Variants in SIGLEC6 observed in about 807,000 individuals in gnomAD.
SIGLEC6 encodes the protein sialic acid-binding Ig-like lectin 6.
SIGLEC6 carries 31 observed loss-of-function variants against 41.4 expected under a neutral mutation model. The observed-to-expected ratio is 0.75, with a 90% CI of 0.56 to 1.01. SIGLEC6 has a LOEUF of 1.01. SIGLEC6 is among the 50% of genes least tolerant of loss of function. The pLI, the probability that SIGLEC6 is intolerant of heterozygous loss-of-function variation, is 0.00. For missense variants in SIGLEC6, 555 were observed against 558.6 expected, an observed-to-expected ratio of 0.99 and a Z score of 0.06; for synonymous variants, 217 against 231.0, an observed-to-expected ratio of 0.94 and a Z score of 0.55.
intron 5 of SIGLEC6, 144 bp downstream of exon 5, chr19:51,529,580 C>CT (rs1979833880): frequency 9.6e-7 from 1 of 1,046,254 alleles, no homozygotes; most frequent in African/African-American, 1.6e-5. Context: ...AGTGTGGACT[C>CT]TAAGCCTCCC....
intron 7 of SIGLEC6, among the ~76,000 whole-genome samples, chr19:51,525,473 G>C (rs1979057047): frequency 6.6e-6 from 1 of 152,010 alleles, no homozygotes; most frequent in African/African-American, 2.4e-5. Flanking sequence ...TGTTATTCCT[G>C]ACTGAGAAGG....
intron 7 of SIGLEC6, among the ~76,000 whole-genome samples, chr19:51,525,637 A>T (rs146456854): frequency 1.3e-5 from 2 of 152,254 alleles, no homozygotes; most frequent in Non-Finnish European, 2.9e-5. Context: ...TCAGGCTGGG[A>T]AAAGAATAAA....
chr19:51,529,314 G>A (rs1006240824), intron 5 of SIGLEC6: 4 of 199,096 alleles, frequency 2.0e-5, no homozygotes, highest in African/African-American at 4.7e-5. Flanking sequence ...ACTCATACAA[G>A]GACCCAGGCT....
chr19:51,529,149 A>G (rs1367222882), intron 5 of SIGLEC6, among the ~76,000 whole-genome samples: 1 of 152,196 alleles, frequency 6.6e-6, no homozygotes, highest in African/African-American at 2.4e-5. Context: ...GAAGCCAGGG[A>G]AGGAGCATGG....
intron 7 of SIGLEC6, among the ~76,000 whole-genome samples, chr19:51,523,187 C>A (rs1978588236): frequency 6.6e-6 from 1 of 151,816 alleles, no homozygotes; most frequent in African/African-American, 2.4e-5. Flanking sequence ...TGAAAAATGG[C>A]AATATCTAAA....
chr19:51,520,176 T>G lies in SIGLEC6; in HGVS notation c.1268A>C (p.Glu423Ala). 1 of 1,609,188 alleles carries G rather than the reference T, an allele frequency of 6.2e-7. No homozygotes were observed. Among genetic ancestry groups the G allele is most frequent in the Non-Finnish European group, 8.5e-7 (1 of 1,176,218 alleles). Residue 423 changes from glutamate (E) to alanine (A), a missense_variant, in exon 8 of 8, where the codon GAG becomes GCG. By Grantham distance (107) the Glu-to-Ala change is moderately radical (BLOSUM62 -1). Transcript: ENST00000425629. The part of the protein sequence containing the change: ...EAGPISEDEQ[E>A]LHYAVLHFHK... ...GAAGTGTAGGACAGCGTAGTGGAGC[T>G]CCTGCTCATCTTCTGAGATGGGGCC...
At chr19:51,520,757 C>T (rs1354422320) in intron 7 of SIGLEC6, among the ~76,000 whole-genome samples, 1 of 152,114 alleles carries the variant, frequency 6.6e-6, no homozygotes, top group African/African-American at 2.4e-5. Context: ...ATATTCTATT[C>T]TCAAAAAATG....
chr19:51,523,196 A>C (rs12461762), intron 7 of SIGLEC6, among the ~76,000 whole-genome samples: 9,844 of 152,298 alleles, frequency 0.065, 360 homozygotes, highest in South Asian at 0.12. Context: ...GCAATATCTA[A>C]AAAGAAAAGC....
At chr19:51,526,831 A>G (rs975534762) in intron 7 of SIGLEC6, among the ~76,000 whole-genome samples, 2 of 152,198 alleles carry the variant, frequency 1.3e-5, no homozygotes, top group Admixed American at 6.5e-5. Flanking sequence ...GAAAGATGAA[A>G]TAGCCACCTT....
At chr19:51,520,371 TATTTTATTTTATTTC>T in intron 7 of SIGLEC6, 116 bp from the exon 8 acceptor site, 1 of 527,912 alleles carries the variant, frequency 1.9e-6, no homozygotes, top group Non-Finnish European at 3.0e-6. Flanking sequence ...ATTCATTTAT[TATTTTATTTTATTTC>T]ATTTTATTTT....
At chr19:51,526,066 T>A (rs1455028769) in intron 7 of SIGLEC6, among the ~76,000 whole-genome samples, 2 of 152,162 alleles carry the variant, frequency 1.3e-5, no homozygotes, top group Non-Finnish European at 2.9e-5. Context: ...CACAGCTGCC[T>A]CAACCCAGGG....
At position 51,531,344 on chromosome 19, in the gene SIGLEC6, T is replaced by TG. The variant is rs904094003; in HGVS notation, c.242dup (p.Asp82ArgfsTer92). 6.2e-7 allele frequency: 1 copy of TG among 1,614,058 alleles called. No individual in the cohort carries two copies. The highest frequency in any genetic ancestry group is 8.5e-7 in the Non-Finnish European group (1 of 1,180,012). ...GGGTCTCCTCCTGCACTTCTTCGTC[T>TG]GGGTCGTTTGTGGCCACTGGAACAT... is the stretch of plus-strand genomic sequence containing the variant. On this transcript the variant is annotated frameshift_variant, in exon 2 of 8. Coordinates refer to ENST00000425629, the MANE Select transcript of SIGLEC6 (RefSeq NM_001245.7). LOFTEE classifies it high-confidence loss of function.
At chr19:51,528,334 A>C in intron 5 of SIGLEC6, 81 bp from the exon 6 acceptor site, 4 of 1,156,228 alleles carry the variant, frequency 3.5e-6, no homozygotes, top group Non-Finnish European at 2.6e-6. Flanking sequence ...CCTTCCACTA[A>C]TGTGACCACC....
chr19:51,528,488 T>C (rs1488672034), intron 5 of SIGLEC6: 1 of 564,884 alleles, frequency 1.8e-6, no homozygotes, highest in Non-Finnish European at 3.2e-6. Flanking sequence ...CTTGGAAACA[T>C]CTTCTCCAAG....
At chr19:51,530,295 CA>C in intron 4 of SIGLEC6, 141 bp downstream of exon 4, 1 of 800,576 alleles carries the variant, frequency 1.2e-6, no homozygotes, top group Non-Finnish European at 2.0e-6. Flanking sequence ...GAAGAGGCGA[CA>C]AAGGCTGGGG....
Position 51,520,254 on chromosome 19 carries a change from C to T in SIGLEC6, c.1190G>A (p.Gly397Asp). ...VNPVMVSGSR[G>D]HQHQFQTGIV... ...GCCTGTCTGGAACTGGTGCTGATGA[C>T]CCTTAATGGAAGAAAAGAAAAGATT... The change falls in exon 8 of 8, where the codon GGT (glycine) becomes GAT (aspartate). Residue 397 changes from glycine to aspartate, a missense_variant and splice_region_variant. Gly to Asp is a moderately conservative substitution (Grantham distance 94). Coordinates refer to ENST00000425629, the MANE Select transcript of SIGLEC6 (RefSeq NM_001245.7). 1 of 1,556,234 alleles carries T rather than the reference C, an allele frequency of 6.4e-7. No individual in the cohort carries two copies. Among genetic ancestry groups the T allele is most frequent in the Admixed American group, 1.7e-5 (1 of 58,984 alleles).
At chr19:51,527,958 G>T in intron 6 of SIGLEC6, 130 bp from the exon 7 acceptor site, 1 of 991,512 alleles carries the variant, frequency 1.0e-6, no homozygotes. Context: ...ATGAGCCCAA[G>T]AGTTGGACCA....
In SIGLEC6 at chr19:51,520,134, T is replaced by C. The variant is rs771230496; in HGVS notation, c.1310A>G (p.Gln437Arg). The C allele has an allele frequency of 6.3e-7, 1 of 1,598,360 alleles. No homozygotes were observed. Among genetic ancestry groups the C allele is most frequent in the South Asian group, 1.1e-5 (1 of 89,398 alleles). Reference sequence around the variant, plus strand: ...CTCAGTGTCGGTGACCTTTGGTTCCTGAGGTTGCACCTTGTGGAAGTGTAG... The same window carrying C: ...CTCAGTGTCGGTGACCTTTGGTTCCCGAGGTTGCACCTTGTGGAAGTGTAG... ...AVLHFHKVQP[Q>R]EPKVTDTEYS... The change falls in exon 8 of 8, where the codon CAG (glutamine) becomes CGG (arginine). Residue 437 changes from glutamine to arginine, a missense_variant. Coordinates refer to ENST00000425629, the MANE Select transcript of SIGLEC6 (RefSeq NM_001245.7).
At position 51,519,230 on chromosome 19, in the gene SIGLEC6, G is replaced by A. The variant is rs994720397; in HGVS notation, c.*852C>T. ...GAATGGTGTGAACCCAGGGGGCGAAGCTTGCACTGAGCCAAGATCGCACCA... is the reference window on the plus strand; with the variant it reads ...GAATGGTGTGAACCCAGGGGGCGAAACTTGCACTGAGCCAAGATCGCACCA... On this transcript the variant is annotated 3_prime_UTR_variant, in exon 8 of 8. Transcript: ENST00000425629. 7.2e-6 allele frequency among the ~76,000 whole-genome samples: 1 copy of A among 139,692 alleles called. No homozygotes were observed. The highest frequency in any genetic ancestry group is 1.5e-5 in the Non-Finnish European group (1 of 66,060). The allele number at this position is 139,692 out of a possible 152,430, so 91.6% of individuals were successfully genotyped here.
Sources: gnomAD v4.1 joint callset for allele counts (sites outside exome capture counted in the v4.1 genomes callset) on GRCh38, gnomAD v4.1.1 for gene constraint, MANE v1.5 for transcripts, NCBI Gene and HGNC (gene_info 2026-07-23, HGNC 2026-07-21) for gene names.